The following TBC1D14 variants were observed in gnomAD, a reference collection of about 807,000 sequenced individuals.
TBC1D14 encodes TBC1 domain family, member 14.
A neutral mutation model predicts 79.0 loss-of-function variants in TBC1D14; 26 were observed. The ratio of observed to expected loss-of-function variants is 0.33; its 90% CI spans 0.24 to 0.46. TBC1D14 has a LOEUF of 0.46. Among genes scored for constraint, TBC1D14 ranks in the 20% least tolerant of loss-of-function variants. The pLI is 1.00. For missense variants in TBC1D14, 769 were observed against 887.6 expected (o/e 0.87, Z 1.70); for synonymous variants, 394 against 349.9 (o/e 1.13, Z -1.40).
intron 2 of TBC1D14, among the ~76,000 whole-genome samples, chr4:6,949,435 C>A (rs1308915795): frequency 6.6e-6 from 1 of 152,184 alleles, no homozygotes; most frequent in Non-Finnish European, 1.5e-5. Flanking sequence ...ATAATCCCAG[C>A]ACTTTGGGAA....
chr4:6,989,869 T>G (rs1718309077), intron 3 of TBC1D14, among the ~76,000 whole-genome samples: 1 of 152,190 alleles, frequency 6.6e-6, no homozygotes. Context: ...AGTGAGGTGC[T>G]GCTGCCATGT....
chr4:6,965,457 T>G (rs1715619216), intron 2 of TBC1D14, among the ~76,000 whole-genome samples: 1 of 152,210 alleles, frequency 6.6e-6, no homozygotes, highest in Non-Finnish European at 1.5e-5. Context: ...TCTTCATGAT[T>G]GGATTCAGGT....
At chr4:6,915,952 TA>T (rs77312739) in intron 1 of TBC1D14, among the ~76,000 whole-genome samples, 13,624 of 137,006 alleles carry the variant, frequency 0.099, 704 homozygotes, top group Middle Eastern at 0.16. Context: ...CCACCTCTAC[TA>T]AAAAAAAAAA....
intron 12 of TBC1D14, among the ~76,000 whole-genome samples, chr4:7,019,402 G>A (rs889755295): frequency 3.9e-5 from 6 of 152,154 alleles, no homozygotes; most frequent in Non-Finnish European, 5.9e-5. Flanking sequence ...CACTTGGGTC[G>A]TCTCTGGCCT....
rs1717581232 is a variant in TBC1D14, at chr4:6,983,739, T to C, written c.844-10445T>C. On this transcript the variant is annotated intron_variant, in intron 3 of 13. Coordinates refer to ENST00000409757, the MANE Select transcript of TBC1D14 (RefSeq NM_020773.3). ...AGTTTCTACAGGGGAAATGGCAGCA[T>C]GGTTGTTTAATTTGCACTTTCCTTT... Among the ~76,000 whole-genome samples the C allele has an allele frequency of 2.6e-5, 4 of 152,220 alleles. No individual in the cohort carries two copies. In the South Asian group the frequency reaches 8.3e-4, roughly 31 times the overall value.
intron 1 of TBC1D14, among the ~76,000 whole-genome samples, chr4:6,921,866 T>A (rs1205839730): frequency 1.3e-5 from 2 of 151,906 alleles, no homozygotes; most frequent in East Asian, 1.9e-4. Flanking sequence ...CTGGCTAATT[T>A]TTGTATTTTT....
intron 1 of TBC1D14, among the ~76,000 whole-genome samples, chr4:6,921,586 C>T (rs1176666925): frequency 2.0e-5 from 3 of 152,044 alleles, no homozygotes; most frequent in Non-Finnish European, 4.4e-5. Context: ...AGTGCAGTGG[C>T]ATGATCTTGG....
At chr4:6,918,564 T>C (rs1449196874) in intron 1 of TBC1D14, among the ~76,000 whole-genome samples, 1 of 152,228 alleles carries the variant, frequency 6.6e-6, no homozygotes, top group Non-Finnish European at 1.5e-5. Flanking sequence ...TTGTCCCATC[T>C]TACTGCCGAG....
intron 2 of TBC1D14, 145 bp downstream of exon 2, chr4:6,924,256 C>CT: frequency 2.0e-6 from 2 of 995,118 alleles, no homozygotes; most frequent in South Asian, 1.8e-5. Flanking sequence ...CCCAGAAGCC[C>CT]GGAATCCTGT....
At chr4:6,948,271 C>T (rs1286632688) in intron 2 of TBC1D14, among the ~76,000 whole-genome samples, 1 of 152,206 alleles carries the variant, frequency 6.6e-6, no homozygotes, top group Non-Finnish European at 1.5e-5. Flanking sequence ...GCATTTCGCT[C>T]CCCATGGGTA....
chr4:6,923,475 A>C lies in TBC1D14; in HGVS notation c.86A>C (p.Asn29Thr). 1 of 1,614,136 alleles carries C rather than the reference A, an allele frequency of 6.2e-7. No individual in the cohort carries two copies. The highest frequency in any genetic ancestry group is 8.5e-7 in the Non-Finnish European group (1 of 1,180,020). The stretch of plus-strand genomic sequence containing the variant: ...GGTCGACCAGGAAACCCCCTTCAGA[A>C]CCTGCAACACGTCAATCTCAAGGCG... ...LDGRPGNPLQ[N>T]LQHVNLKAPR... The change falls in exon 2 of 14, where the codon AAC (asparagine) becomes ACC (threonine). Residue 29 changes from asparagine (N) to threonine (T), a missense_variant. By Grantham distance (65) the Asn-to-Thr change is moderately conservative (BLOSUM62 0). Transcript: ENST00000409757.
At chr4:6,976,532 G>A (rs539656682) in intron 3 of TBC1D14, among the ~76,000 whole-genome samples, 76 of 152,312 alleles carry the variant, frequency 5.0e-4, no homozygotes, top group African/African-American at 1.7e-3. Context: ...TTAGAGCGCC[G>A]AAAAGAACTG....
chr4:7,019,812 C>T (rs1721643179), intron 12 of TBC1D14, among the ~76,000 whole-genome samples: 1 of 79,268 alleles, frequency 1.3e-5, no homozygotes, highest in African/African-American at 7.3e-5. Flanking sequence ...CTGCTGGGCT[C>T]AGGTTAGGGA....
chr4:7,012,137 TAA>T (rs1377608462), intron 11 of TBC1D14, among the ~76,000 whole-genome samples: 2 of 151,708 alleles, frequency 1.3e-5, no homozygotes, highest in Non-Finnish European at 2.9e-5. Flanking sequence ...CCGTCTCTAC[TAA>T]AAATACAAAA....
At position 6,920,543 on chromosome 4, in the gene TBC1D14, C is replaced by G. The variant is rs115133401; in HGVS notation, c.-17-2830C>G. 6.0e-3 allele frequency among the ~76,000 whole-genome samples: 912 copies of G among 152,272 alleles called. 7 individuals carry two copies. Among genetic ancestry groups the G allele is most frequent in the Non-Finnish European group, 8.2e-3 (561 of 68,026 alleles). On this transcript the variant is annotated intron_variant, in intron 1 of 13. Coordinates refer to ENST00000409757, the MANE Select transcript of TBC1D14 (RefSeq NM_020773.3). ...GCAGGCTCCTTACAAAAGCTGACGC[C>G]CAAGCAGGAGTGGTTATCATTCTTT...
At chr4:6,912,047 C>T (rs1446896995) in intron 1 of TBC1D14, among the ~76,000 whole-genome samples, 2 of 152,114 alleles carry the variant, frequency 1.3e-5, no homozygotes, top group Middle Eastern at 3.2e-3. Flanking sequence ...GCTGCAGTTA[C>T]AGGAACGCAC....
intron 3 of TBC1D14, among the ~76,000 whole-genome samples, chr4:6,977,505 G>A (rs774650599): frequency 0.023 from 3,393 of 147,360 alleles, 47 homozygotes; most frequent in Non-Finnish European, 0.036. Flanking sequence ...CCTTGGCCCC[G>A]CAAAGTGCCG....
chr4:6,974,870 G>A (rs968658369), intron 3 of TBC1D14, among the ~76,000 whole-genome samples: 2 of 151,840 alleles, frequency 1.3e-5, no homozygotes, highest in Non-Finnish European at 2.9e-5. Context: ...AGATAGGATC[G>A]TCTTTTTTTG....
intron 3 of TBC1D14, among the ~76,000 whole-genome samples, chr4:6,992,486 G>A (rs1718604041): frequency 6.6e-6 from 1 of 152,206 alleles, no homozygotes. Flanking sequence ...GACAAAGTGA[G>A]TCCACATGCA....
Sources: allele counts gnomAD v4.1 joint callset (sites outside exome capture counted in the v4.1 genomes callset), GRCh38; gene constraint gnomAD v4.1.1; transcripts MANE v1.5; gene names NCBI Gene and HGNC (gene_info 2026-07-23, HGNC 2026-07-21).